The following HOOK1 variants were observed in gnomAD, a reference collection of about 807,000 sequenced individuals.
HOOK1 encodes protein Hook homolog 1.
A neutral mutation model predicts 112.8 loss-of-function variants in HOOK1; 60 were observed. The observed-to-expected ratio is 0.53, with a 90% CI of 0.43 to 0.66. The LOEUF is 0.66. Among genes scored for constraint, HOOK1 ranks in the 30% least tolerant of loss-of-function variants. The pLI, the probability that HOOK1 is intolerant of heterozygous loss-of-function variation, is 0.00. For synonymous variants in HOOK1, 294 were observed against 283.8 expected (o/e 1.04, Z -0.36); for missense variants, 770 against 856.0 (o/e 0.90, Z 1.25).
chr1:59,848,929 C>A, intron 11 of HOOK1, 144 bp from the exon 12 acceptor site: 1 of 469,920 alleles, frequency 2.1e-6, no homozygotes, highest in Non-Finnish European at 3.8e-6. Flanking sequence ...TGTTATTTTC[C>A]ACAAGTATTT....
chr1:59,860,362 G>T (rs746331624), intron 15 of HOOK1, 34 bp downstream of exon 15: 2 of 1,503,234 alleles, frequency 1.3e-6, no homozygotes. Context: ...AAATCTTGGT[G>T]ATTTTATTAC....
intron 18 of HOOK1, 126 bp from the exon 19 acceptor site, chr1:59,865,746 C>A: frequency 2.5e-6 from 1 of 395,800 alleles, no homozygotes; most frequent in Non-Finnish European, 4.5e-6. Context: ...AAATAACAGG[C>A]TTTTCTTTTA....
At position 59,836,855 on chromosome 1, in the gene HOOK1, A is replaced by G. The variant is rs766348170; in HGVS notation, c.475-18A>G. ...ACATCACATTGTTATACTTAATTTT[A>G]TTATTTTAATTTCCTAGTTGATGAG... On this transcript the variant is annotated intron_variant, in intron 6 of 21. Coordinates refer to ENST00000371208, the MANE Select transcript of HOOK1 (RefSeq NM_015888.6). 1.4e-6 allele frequency: 2 copies of G among 1,385,572 alleles called. No homozygotes were observed. The highest frequency in any genetic ancestry group is 2.3e-5 in the East Asian group (1 of 43,362). The allele number at this position is 1,385,572 out of a possible 1,614,324, so 85.8% of individuals were successfully genotyped here.
In HOOK1 at chr1:59,875,607, A is replaced by C. The variant is rs1644118650; in HGVS notation, c.*2642A>C. Reference sequence around the variant, plus strand: ...ATGAAGAGATATTCAGCATTTGTCTATTTGATAAGGAATTAAATGTCCTAG... The same window carrying C: ...ATGAAGAGATATTCAGCATTTGTCTCTTTGATAAGGAATTAAATGTCCTAG... On this transcript the variant is annotated 3_prime_UTR_variant, in exon 22 of 22. Coordinates refer to ENST00000371208, the MANE Select transcript of HOOK1 (RefSeq NM_015888.6). 6.6e-6 allele frequency: 1 copy of C among 152,366 alleles called. No individual in the cohort carries two copies. Among genetic ancestry groups the C allele is most frequent in the Non-Finnish European group, 1.5e-5 (1 of 68,012 alleles). 9.4% of individuals were successfully genotyped at this position (152,366 alleles called of 1,614,324 possible). A position where few individuals can be genotyped will look rare whatever the true frequency, so the allele number is the denominator to read the frequency against.
rs1336027459 is a variant in HOOK1 at position 59,875,697 on chromosome 1, G to C, written c.*2732G>C. On this transcript the variant is annotated 3_prime_UTR_variant, in exon 22 of 22. Coordinates refer to ENST00000371208, the MANE Select transcript of HOOK1 (RefSeq NM_015888.6). ...CTTCAATGTTAAGCACTTGCTCTAA[G>C]ATTAAAATTCCTTTTCTTTTTAAGG... The C allele has an allele frequency of 6.6e-6, 1 of 152,182 alleles. No homozygotes were observed. Among genetic ancestry groups the C allele is most frequent in the Non-Finnish European group, 1.5e-5 (1 of 68,014 alleles). The allele number at this position is 152,182 out of a possible 1,614,324, so 9.4% of individuals were successfully genotyped here.
At chr1:59,855,273 T>C (rs1316002027) in intron 12 of HOOK1, among the ~76,000 whole-genome samples, 2 of 152,180 alleles carry the variant, frequency 1.3e-5, no homozygotes, top group African/African-American at 4.8e-5. Flanking sequence ...TCTTTTCTGC[T>C]CCTCTCTCTC....
At chr1:59,853,738 T>C (rs2098408509) in intron 12 of HOOK1, among the ~76,000 whole-genome samples, 1 of 151,798 alleles carries the variant, frequency 6.6e-6, no homozygotes, top group African/African-American at 2.4e-5. Flanking sequence ...TACAAGTTTT[T>C]AAAAGCTATT....
Position 59,825,178 on chromosome 1 carries a change from C to T in HOOK1, c.149+3235C>T, listed in dbSNP as rs995299733. On this transcript the variant is annotated intron_variant, in intron 2 of 21. Transcript: ENST00000371208. ...AGGGCCCATCCTAATTCATTATGAC[C>T]TGATCTTACCTTTATTACATACATG... 2.2e-4 allele frequency among the ~76,000 whole-genome samples: 33 copies of T among 152,330 alleles called. 1 individual carries two copies. Among genetic ancestry groups the T allele is most frequent in the Admixed American group, 2.6e-4 (4 of 15,296 alleles).
intron 4 of HOOK1, 34 bp from the exon 5 acceptor site, chr1:59,833,371 T>A (rs775706227): frequency 7.0e-7 from 1 of 1,432,844 alleles, no homozygotes; most frequent in Non-Finnish European, 9.3e-7. Context: ...GCAGCCGACA[T>A]AAATGAGTGA....
chr1:59,864,612 A>AT lies in HOOK1; in HGVS notation c.1627-12dup, dbSNP rs771489262. ...TTGTCAAGATAGTCATCTTACAGCA[A>AT]TTTTTTTTAAATTTTATAGTCCAGC... On this transcript the variant is annotated intron_variant, in intron 16 of 21. Coordinates refer to ENST00000371208, the MANE Select transcript of HOOK1 (RefSeq NM_015888.6). 1.9e-4 allele frequency: 283 copies of AT among 1,491,074 alleles called. 1 individual carries two copies. Among genetic ancestry groups the AT allele is most frequent in the Admixed American group, 1.4e-3 (79 of 57,224 alleles). 92.4% of individuals were successfully genotyped at this position (1,491,074 alleles called of 1,614,324 possible).
chr1:59,843,944 T>A (rs1240571427), intron 9 of HOOK1, among the ~76,000 whole-genome samples: 1 of 151,940 alleles, frequency 6.6e-6, no homozygotes, highest in African/African-American at 2.4e-5. Flanking sequence ...TGGAAAAAAA[T>A]GTAAATCGTA....
intron 12 of HOOK1, among the ~76,000 whole-genome samples, chr1:59,853,599 G>A (rs758424243): frequency 5.3e-5 from 8 of 151,846 alleles, no homozygotes; most frequent in Non-Finnish European, 7.4e-5. Flanking sequence ...TGTAATTACC[G>A]ATAAAAATAG....
chr1:59,830,895 T>C (rs2098393406), intron 3 of HOOK1, among the ~76,000 whole-genome samples: 1 of 151,762 alleles, frequency 6.6e-6, no homozygotes, highest in Non-Finnish European at 1.5e-5. Flanking sequence ...GATTTTTTTT[T>C]TTAAGTTTTT....
chr1:59,819,465 T>A (rs990017174), intron 1 of HOOK1, among the ~76,000 whole-genome samples: 2 of 152,214 alleles, frequency 1.3e-5, no homozygotes, highest in Non-Finnish European at 2.9e-5. Context: ...ACTAAGCTTT[T>A]TAATTAATTC....
At chr1:59,836,274 G>C (rs896660771) in intron 6 of HOOK1, among the ~76,000 whole-genome samples, 2 of 152,118 alleles carry the variant, frequency 1.3e-5, no homozygotes, top group African/African-American at 4.8e-5. Context: ...AGCCTAAAAG[G>C]CTGAGATGGA....
chr1:59,831,822 T>G (rs964722748), intron 3 of HOOK1, among the ~76,000 whole-genome samples: 2 of 152,228 alleles, frequency 1.3e-5, no homozygotes, highest in African/African-American at 2.4e-5. Flanking sequence ...AACAATTGTT[T>G]AATGTATTTT....
chr1:59,858,670 G>C (rs1375298886), intron 13 of HOOK1, among the ~76,000 whole-genome samples, 155 bp downstream of exon 13: 1 of 151,888 alleles, frequency 6.6e-6, no homozygotes, highest in Non-Finnish European at 1.5e-5. Context: ...CTAGGAGTTT[G>C]AAGTTGCAGT....
intron 9 of HOOK1, among the ~76,000 whole-genome samples, chr1:59,844,654 G>A (rs1394417917): frequency 6.6e-6 from 1 of 151,866 alleles, no homozygotes; most frequent in Admixed American, 6.6e-5. Context: ...TTATGATTTG[G>A]ATTGTATAAT....
chr1:59,834,841 G>C (rs1256538840), intron 5 of HOOK1, among the ~76,000 whole-genome samples: 1 of 151,746 alleles, frequency 6.6e-6, no homozygotes, highest in Non-Finnish European at 1.5e-5. Context: ...ATTTAGTTTT[G>C]TTGTCCTCTT....
Sources: gnomAD v4.1 joint callset for allele counts (sites outside exome capture counted in the v4.1 genomes callset) on GRCh38, gnomAD v4.1.1 for gene constraint, MANE v1.5 for transcripts, NCBI Gene and HGNC (gene_info 2026-07-23, HGNC 2026-07-21) for gene names.